MUCL1: variants seen among roughly 807,000 people sequenced by gnomAD.
MUCL1 encodes mucin-like protein 1.
In MUCL1, 11 loss-of-function variants were observed where a neutral mutation model predicts 9.2. The observed-to-expected ratio is 1.19, with a 90% CI of 0.75 to 1.97. The LOEUF (loss-of-function observed/expected upper bound fraction) is 1.97, where lower values mean the gene tolerates loss of function less well. Ranked by LOEUF, MUCL1 falls within the 30% of genes most tolerant of loss-of-function variation. MUCL1 has a pLI of 0.00. For missense variants in MUCL1, 144 were observed against 110.9 expected, an observed-to-expected ratio of 1.30 and a Z score of -1.34; for synonymous variants, 48 against 40.5, an observed-to-expected ratio of 1.19 and a Z score of -0.71.
chr12:54,853,237 T>C (rs1868268824), upstream of MUCL1, among the ~76,000 whole-genome samples: 1 of 152,212 alleles, frequency 6.6e-6, no homozygotes, highest in Non-Finnish European at 1.5e-5. Flanking sequence ...ATCTTTAAAA[T>C]GTAGAGAATT....
Position 54,858,185 on chromosome 12 carries a change from T to C in MUCL1, c.224-8T>C, listed in dbSNP as rs913186667. On this transcript the variant is annotated splice_polypyrimidine_tract_variant and splice_region_variant and intron_variant, in intron 3 of 3. Coordinates refer to ENST00000308796, the MANE Select transcript of MUCL1 (RefSeq NM_058173.3). ...GAAGCCCCTTGACAATATTTTTTTC[T>C]CTTGCAGTTTTACCCAAATGGGTTG... 3 of 1,613,304 alleles carry C rather than the reference T, an allele frequency of 1.9e-6. No individual in the cohort carries two copies. Among genetic ancestry groups the C allele is most frequent in the African/African-American group, 2.7e-5 (2 of 74,870 alleles).
intron 1 of MUCL1, among the ~76,000 whole-genome samples, chr12:54,840,611 C>T (rs192750042): frequency 6.6e-6 from 1 of 152,114 alleles, no homozygotes; most frequent in South Asian, 2.1e-4. Context: ...ATTAAGCTAC[C>T]AGGGCAGGTG....
chr12:54,857,722 CT>C (rs1358043122), intron 3 of MUCL1, among the ~76,000 whole-genome samples: 1 of 152,060 alleles, frequency 6.6e-6, no homozygotes, highest in Non-Finnish European at 1.5e-5. Context: ...AGAAACTTTC[CT>C]TTGAGCACAC....
intron 1 of MUCL1, among the ~76,000 whole-genome samples, chr12:54,842,605 C>CAGT (rs1178917015): frequency 6.6e-6 from 1 of 152,036 alleles, no homozygotes; most frequent in Non-Finnish European, 1.5e-5. Context: ...CCATTTTGTA[C>CAGT]AGTAGATCCT....
intron 3 of MUCL1, among the ~76,000 whole-genome samples, chr12:54,857,158 A>G (rs868776896): frequency 6.6e-6 from 1 of 152,066 alleles, no homozygotes; most frequent in East Asian, 1.9e-4. Context: ...TAGAAACATC[A>G]TTGGAAAGAC....
chr12:54,846,069 C>G (rs985544236), intron 1 of MUCL1, among the ~76,000 whole-genome samples: 1 of 152,126 alleles, frequency 6.6e-6, no homozygotes, highest in African/African-American at 2.4e-5. Flanking sequence ...TTGCACTTGT[C>G]CTTCGAGCCC....
At chr12:54,851,733 A>G (rs1245427261), upstream of MUCL1, among the ~76,000 whole-genome samples, 2 of 152,222 alleles carry the variant, frequency 1.3e-5, no homozygotes, top group Non-Finnish European at 1.5e-5. Flanking sequence ...TTGTTTGCAG[A>G]TGACATGATT....
At chr12:54,836,331 A>C (rs974291636), upstream of MUCL1, among the ~76,000 whole-genome samples, 5 of 152,058 alleles carry the variant, frequency 3.3e-5, no homozygotes, top group South Asian at 1.0e-3. Context: ...GGAGGGTTGT[A>C]TGTTTCTAGA....
At chr12:54,844,386 G>A (rs2135942193) in intron 1 of MUCL1, among the ~76,000 whole-genome samples, 1 of 152,092 alleles carries the variant, frequency 6.6e-6, no homozygotes, top group East Asian at 1.9e-4. Context: ...TGATTCCTAG[G>A]AGCTTCATGC....
At chr12:54,844,052 G>T (rs1469217442) in intron 1 of MUCL1, among the ~76,000 whole-genome samples, 1 of 152,022 alleles carries the variant, frequency 6.6e-6, no homozygotes, top group Non-Finnish European at 1.5e-5. Flanking sequence ...TATGGTCATG[G>T]TAATGAATGT....
chr12:54,839,525 G>A (rs1027577859), intron 1 of MUCL1: 9 of 700,200 alleles, frequency 1.3e-5, no homozygotes, highest in Non-Finnish European at 1.8e-5. Flanking sequence ...TCAGTGAAAT[G>A]CACTGAGGTC....
intron 1 of MUCL1, among the ~76,000 whole-genome samples, chr12:54,842,767 C>A (rs983105427): frequency 1.3e-5 from 2 of 152,162 alleles, no homozygotes; most frequent in African/African-American, 2.4e-5. Flanking sequence ...TTCATAATTT[C>A]TTTCTATTCA....
At position 54,833,527 on chromosome 12, in the gene MUCL1, T is replaced by G. The variant is rs146887531; in HGVS notation, n.357+2652T>G. On this transcript the variant is annotated intron_variant and non_coding_transcript_variant, in intron 1 of 3. Transcript: ENST00000547990. ...AAATTAGAGCACATTTTCATAAATT[T>G]ATTGGTCATAAAGATATCCCCTTTT... is the stretch of plus-strand genomic sequence containing the variant. 3.4e-3 allele frequency among the ~76,000 whole-genome samples: 520 copies of G among 152,218 alleles called. 8 individuals are homozygous for G. The highest frequency in any genetic ancestry group is 0.012 in the African/African-American group (516 of 41,540).
intron 2 of MUCL1, among the ~76,000 whole-genome samples, chr12:54,856,117 T>G (rs539590937): frequency 2.1e-5 from 1 of 48,212 alleles, no homozygotes; most frequent in Non-Finnish European, 5.4e-5. Flanking sequence ...AATGGGGAAT[T>G]TTTTTACTAT....
At chr12:54,849,952 C>G (rs1959312052), upstream of MUCL1, among the ~76,000 whole-genome samples, 1 of 152,202 alleles carries the variant, frequency 6.6e-6, no homozygotes, top group African/African-American at 2.4e-5. Flanking sequence ...TCTGCACACT[C>G]AGGCCACTGG....
At chr12:54,855,070 A>G in intron 1 of MUCL1, 46 bp from the exon 2 acceptor site, 1 of 1,569,170 alleles carries the variant, frequency 6.4e-7, no homozygotes, top group Non-Finnish European at 8.8e-7. Context: ...CCATCCTCCA[A>G]ACTGGTATTC....
chr12:54,846,009 A>G (rs1455200584), intron 1 of MUCL1, among the ~76,000 whole-genome samples: 2 of 152,120 alleles, frequency 1.3e-5, no homozygotes, highest in Non-Finnish European at 1.5e-5. Flanking sequence ...AAAAACTTGT[A>G]GCTTTTTTTA....
intron 3 of MUCL1, among the ~76,000 whole-genome samples, chr12:54,857,646 T>C (rs1868310668): frequency 6.6e-6 from 1 of 152,134 alleles, no homozygotes; most frequent in Non-Finnish European, 1.5e-5. Flanking sequence ...AATGAGAAAC[T>C]TTCCTTTGAG....
chr12:54,834,100 ATC>A (rs1438141378), intron 1 of MUCL1, among the ~76,000 whole-genome samples: 5 of 152,126 alleles, frequency 3.3e-5, no homozygotes, highest in African/African-American at 1.2e-4. Context: ...TCATTAACCT[ATC>A]TCTTCAGGGT....
Sources: allele counts gnomAD v4.1 joint callset (sites outside exome capture counted in the v4.1 genomes callset), GRCh38; gene constraint gnomAD v4.1.1; transcripts MANE v1.5; gene names NCBI Gene and HGNC (gene_info 2026-07-23, HGNC 2026-07-21).